The following C6orf132 variants were observed in gnomAD, a reference collection of about 807,000 sequenced individuals.
C6orf132 encodes uncharacterized protein C6orf132.
In C6orf132, 43 loss-of-function variants were observed where a neutral mutation model predicts 65.3. The observed-to-expected ratio is 0.66, with a 90% CI of 0.52 to 0.85. The LOEUF (loss-of-function observed/expected upper bound fraction) is 0.85. Among genes scored for constraint, C6orf132 ranks in the 40% least tolerant of loss-of-function variants. C6orf132 has a pLI of 0.00. For missense variants in C6orf132, 1,488 were observed against 1,548.8 expected (o/e 0.96, Z 0.66); for synonymous variants, 631 against 654.1 (o/e 0.96, Z 0.54).
At chr6:42,111,274 G>T (rs1766490410) in intron 2 of C6orf132, among the ~76,000 whole-genome samples, 1 of 138,986 alleles carries the variant, frequency 7.2e-6, no homozygotes, top group African/African-American at 2.9e-5. Context: ...ACCATTCCTG[G>T]CTAATTTTTT....
At chr6:42,113,826 GA>G (rs1006859617) in intron 2 of C6orf132, among the ~76,000 whole-genome samples, 1 of 146,032 alleles carries the variant, frequency 6.8e-6, no homozygotes, top group Non-Finnish European at 1.5e-5. Context: ...AAAAAGAAAA[GA>G]AAAAAAAGAA....
At chr6:42,131,121 G>C (rs1243522034) in intron 1 of C6orf132, among the ~76,000 whole-genome samples, 2 of 152,032 alleles carry the variant, frequency 1.3e-5, no homozygotes, top group African/African-American at 4.8e-5. Context: ...CCTGAACTCA[G>C]GTGATCTACC....
intron 1 of C6orf132, among the ~76,000 whole-genome samples, chr6:42,137,815 G>T (rs1766967567): frequency 7.3e-6 from 1 of 136,208 alleles, no homozygotes; most frequent in Admixed American, 7.2e-5. Context: ...CGAGGCAGGG[G>T]CGGGGGCGGG....
chr6:42,119,702 C>G (rs906265090), intron 2 of C6orf132, among the ~76,000 whole-genome samples: 1 of 151,966 alleles, frequency 6.6e-6, no homozygotes, highest in Non-Finnish European at 1.5e-5. Flanking sequence ...GTTGGCCAGG[C>G]TGGTCTCGAA....
intron 2 of C6orf132, among the ~76,000 whole-genome samples, chr6:42,122,141 GA>G (rs746719351): frequency 1.3e-5 from 2 of 152,206 alleles, no homozygotes; most frequent in Non-Finnish European, 2.9e-5. Flanking sequence ...GGCCAGAAAA[GA>G]GTGTCCACCC....
Position 42,105,374 on chromosome 6 carries a change from C to T in C6orf132, c.2538G>A (p.Arg846=), listed in dbSNP as rs1351621146. ...GSPMALLLAA[R]QRAQKGRSVG... is the part of the protein sequence containing the mutation. ...CAGACCTTCCCTTCTGAGCCCTCTG[C>T]CTGGCCGCCAGGAGCAGGGCCATCG... is the stretch of plus-strand genomic sequence containing the variant. The change falls in exon 4 of 5, where the codon AGG becomes AGA. Residue 846 remains arginine (R), a synonymous_variant. Transcript: ENST00000341865. 2 of 1,536,050 alleles carry T rather than the reference C, an allele frequency of 1.3e-6. No homozygotes were observed. The highest frequency in any genetic ancestry group is 2.0e-5 in the Admixed American group (1 of 50,972).
rs544853471 is a variant in C6orf132, at chr6:42,111,256, T to A, written c.253-965A>T. 3.3e-5 allele frequency among the ~76,000 whole-genome samples: 5 copies of A among 151,694 alleles called. No individual in the cohort carries two copies. In the South Asian group the frequency reaches 1.0e-3, roughly 32 times the overall value. Reference sequence around the variant, plus strand: ...TCCCATCTGTAGCTGGGACTACAGATGTGTGCCACCATTCCTGGCTAATTT... The same window carrying A: ...TCCCATCTGTAGCTGGGACTACAGAAGTGTGCCACCATTCCTGGCTAATTT... On this transcript the variant is annotated intron_variant, in intron 2 of 4. Coordinates refer to ENST00000341865, the MANE Select transcript of C6orf132 (RefSeq NM_001164446.3).
chr6:42,110,321 C>A, intron 2 of C6orf132, 30 bp from the exon 3 acceptor site: 1 of 1,518,288 alleles, frequency 6.6e-7, no homozygotes, highest in Non-Finnish European at 8.9e-7. Context: ...AATCAGGGGA[C>A]AGGGAAAGAT....
intron 2 of C6orf132, among the ~76,000 whole-genome samples, chr6:42,120,246 C>CTTTTTTTTTTTTTTTTTTT (rs58477278): frequency 1.4e-5 from 2 of 141,628 alleles, no homozygotes; most frequent in Non-Finnish European, 1.5e-5. Flanking sequence ...TTGCGAGGTT[C>CTTTTTTTTTTTTTTTTTTT]TTTTTTTTTT....
intron 2 of C6orf132, among the ~76,000 whole-genome samples, chr6:42,115,918 TTTTC>T (rs1253876324): frequency 7.2e-6 from 1 of 138,860 alleles, no homozygotes; most frequent in East Asian, 2.1e-4. Flanking sequence ...TTTTTTTCTT[TTTTC>T]TTTTTCTTTT....
In C6orf132 at chr6:42,142,599, GCGC is replaced by G. The variant is rs1767059282; in HGVS notation, c.-158_-156del. On this transcript the variant is annotated 5_prime_UTR_variant, in exon 1 of 5. Coordinates refer to ENST00000341865, the MANE Select transcript of C6orf132 (RefSeq NM_001164446.3). Reference sequence around the variant, plus strand: ...GCGCACCGGGCAACAGGTGCTGCGGGCGCCGCCGCTTGCCGGGAAATGCGAGCT... The same window carrying G: ...GCGCACCGGGCAACAGGTGCTGCGGGCGCCGCTTGCCGGGAAATGCGAGCT... The G allele has an allele frequency of 5.8e-6, 2 of 346,556 alleles. No individual in the cohort carries two copies. Among genetic ancestry groups the G allele is most frequent in the South Asian group, 4.3e-5 (1 of 23,088 alleles). 21.5% of individuals were successfully genotyped at this position (346,556 alleles called of 1,614,324 possible).
In C6orf132 at chr6:42,102,563, CT is replaced by C. The variant is rs113105652; in HGVS notation, c.*1197del. 31,473 of 139,198 alleles carry C rather than the reference CT, an allele frequency of 0.23. 3,761 individuals carry two copies. The highest frequency in any genetic ancestry group is 0.34 in the South Asian group (1,461 of 4,322). The allele number at this position is 139,198 out of a possible 1,614,324, so 8.6% of individuals were successfully genotyped here. On this transcript the variant is annotated 3_prime_UTR_variant, in exon 5 of 5. Transcript: ENST00000341865. ...TCTTAACTGGCCCAATCCTAGCACTCTTTTTTTTTTTTTTTCCGTATTTTTA... is the reference window on the plus strand; with the variant it reads ...TCTTAACTGGCCCAATCCTAGCACTCTTTTTTTTTTTTTTCCGTATTTTTA...
In C6orf132 at chr6:42,103,217, T is replaced by C. The variant is rs1766323067; in HGVS notation, c.*544A>G. 2 of 398,654 alleles carry C rather than the reference T, an allele frequency of 5.0e-6. No homozygotes were observed. Among genetic ancestry groups the C allele is most frequent in the African/African-American group, 4.1e-5 (2 of 48,750 alleles). The allele number at this position is 398,654 out of a possible 1,614,324, so 24.7% of individuals were successfully genotyped here. On this transcript the variant is annotated 3_prime_UTR_variant, in exon 5 of 5. Transcript: ENST00000341865. Reference sequence around the variant, plus strand: ...ATTCCTGGTCCCACCTCAATGCGGCTAGGAACCCCAGGTGTCCACTCTTGC... The same window carrying C: ...ATTCCTGGTCCCACCTCAATGCGGCCAGGAACCCCAGGTGTCCACTCTTGC...
intron 1 of C6orf132, among the ~76,000 whole-genome samples, chr6:42,138,410 G>A (rs1766984105): frequency 6.6e-6 from 1 of 152,138 alleles, no homozygotes; most frequent in Admixed American, 6.5e-5. Context: ...TCCCGCCTCA[G>A]CCTCCTGAGT....
intron 2 of C6orf132, among the ~76,000 whole-genome samples, chr6:42,113,719 G>A (rs1057453350): frequency 6.6e-5 from 10 of 152,150 alleles, no homozygotes; most frequent in Non-Finnish European, 1.0e-4. Flanking sequence ...GGAGGCTAAG[G>A]CAGGGAGAAT....
chr6:42,103,601 G>A lies in C6orf132; in HGVS notation c.*160C>T, dbSNP rs1288195257. The stretch of plus-strand genomic sequence containing the variant: ...AGAAGCCCACTCTCGGTCTTCCTGG[G>A]CCACTGCTTCTCATCGTTGGTCTTT... On this transcript the variant is annotated 3_prime_UTR_variant, in exon 5 of 5. Transcript: ENST00000341865. 2.4e-6 allele frequency: 1 copy of A among 418,190 alleles called. No individual in the cohort carries two copies. The allele number at this position is 418,190 out of a possible 1,614,324, so 25.9% of individuals were successfully genotyped here. A position where few individuals can be genotyped will look rare whatever the true frequency, so the allele number is the denominator to read the frequency against.
chr6:42,116,362 C>T (rs892153282), intron 2 of C6orf132, among the ~76,000 whole-genome samples: 3 of 152,046 alleles, frequency 2.0e-5, no homozygotes, highest in African/African-American at 4.8e-5. Context: ...GCCCAAGGTC[C>T]CACAGCGAGT....
chr6:42,109,565 T>C (rs1562034617), intron 3 of C6orf132, among the ~76,000 whole-genome samples: 1 of 151,532 alleles, frequency 6.6e-6, no homozygotes, highest in Non-Finnish European at 1.5e-5. Flanking sequence ...ACCTGAGAGG[T>C]CTGCAGTGCA....
chr6:42,137,772 C>G (rs1766966648), intron 1 of C6orf132, among the ~76,000 whole-genome samples: 1 of 144,418 alleles, frequency 6.9e-6, no homozygotes, highest in Non-Finnish European at 1.5e-5. Flanking sequence ...GGCGCGGTGG[C>G]TCACGCCTGT....
Sources: gnomAD v4.1 joint callset for allele counts (sites outside exome capture counted in the v4.1 genomes callset) on GRCh38, gnomAD v4.1.1 for gene constraint, MANE v1.5 for transcripts, NCBI Gene and HGNC (gene_info 2026-07-23, HGNC 2026-07-21) for gene names.